CFAP299: variants seen among roughly 807,000 people sequenced by gnomAD.
CFAP299 encodes the protein cilia- and flagella-associated protein 299.
A neutral mutation model predicts 27.0 loss-of-function variants in CFAP299; 21 were observed. That is an observed-to-expected ratio of 0.78 (90% CI 0.55 to 1.12). The LOEUF is 1.12. Among genes scored for constraint, CFAP299 ranks in the 50% most tolerant of loss-of-function variants. The probability of loss-of-function intolerance (pLI) is 0.00; values close to 1 mark genes in which losing one functional copy is unlikely to be tolerated. For synonymous variants in CFAP299, 104 were observed against 98.1 expected, an observed-to-expected ratio of 1.06 and a Z score of -0.36; for missense variants, 310 against 276.6, an observed-to-expected ratio of 1.12 and a Z score of -0.86.
At chr4:80,505,168 G>T (rs1249310748) in intron 2 of CFAP299, among the ~76,000 whole-genome samples, 1 of 151,384 alleles carries the variant, frequency 6.6e-6, no homozygotes, top group Non-Finnish European at 1.5e-5. Context: ...TAAAATAGGG[G>T]GGATGAACAT....
chr4:80,911,778 G>C (rs530926871), intron 4 of CFAP299, among the ~76,000 whole-genome samples: 1 of 152,104 alleles, frequency 6.6e-6, no homozygotes, highest in South Asian at 2.1e-4. Context: ...ACTTCTTGAA[G>C]GGAAAATAAT....
chr4:80,780,906 C>T (rs978464617), intron 3 of CFAP299, among the ~76,000 whole-genome samples: 1 of 151,340 alleles, frequency 6.6e-6, no homozygotes, highest in East Asian at 1.9e-4. Context: ...TAAATTAGAC[C>T]CAAAACTCAT....
chr4:80,418,716 C>T (rs1378530478), intron 2 of CFAP299, among the ~76,000 whole-genome samples: 1 of 151,880 alleles, frequency 6.6e-6, no homozygotes, highest in African/African-American at 2.4e-5. Context: ...AATTGTTTTA[C>T]ATATCCCACA....
intron 4 of CFAP299, among the ~76,000 whole-genome samples, chr4:80,930,836 T>C (rs1362224887): frequency 6.6e-6 from 1 of 152,062 alleles, no homozygotes; most frequent in Admixed American, 6.6e-5. Context: ...CCATCCCAAA[T>C]CCCACCCCTT....
At chr4:80,961,556 C>T (rs867374122) in intron 5 of CFAP299, among the ~76,000 whole-genome samples, 1 of 151,714 alleles carries the variant, frequency 6.6e-6, no homozygotes, top group Non-Finnish European at 1.5e-5. Flanking sequence ...ATTTAGGAGA[C>T]ATTTTAACCT....
At chr4:80,790,399 G>T (rs1727488070) in intron 3 of CFAP299, 1 of 151,988 alleles carries the variant, frequency 6.6e-6, no homozygotes, top group Non-Finnish European at 1.5e-5. Context: ...CTTGAATCAT[G>T]CTATGGACCG....
At chr4:80,894,490 G>A (rs1178618710) in intron 4 of CFAP299, among the ~76,000 whole-genome samples, 1 of 151,956 alleles carries the variant, frequency 6.6e-6, no homozygotes, top group Non-Finnish European at 1.5e-5. Context: ...CCCAGTGTGA[G>A]GCACAGCTTA....
intron 2 of CFAP299, among the ~76,000 whole-genome samples, chr4:80,490,574 T>C (rs1190600678): frequency 2.0e-5 from 3 of 152,202 alleles, no homozygotes; most frequent in East Asian, 3.8e-4. Flanking sequence ...GCTGAACCAA[T>C]AGGGTTTACA....
chr4:80,509,720 A>G (rs1560600901), intron 2 of CFAP299, among the ~76,000 whole-genome samples: 2 of 152,338 alleles, frequency 1.3e-5, no homozygotes, highest in African/African-American at 4.8e-5. Context: ...TAACTAATCT[A>G]CAACAGAAAG....
rs79910195 is a variant in CFAP299 at position 80,488,339 on chromosome 4, C to T, written c.243-94754C>T. 3.9e-3 allele frequency among the ~76,000 whole-genome samples: 587 copies of T among 152,064 alleles called. 6 individuals are homozygous for T. Among genetic ancestry groups the T allele is most frequent in the Non-Finnish European group, 4.9e-3 (332 of 67,998 alleles). ...TTGTCTCAGAAATATGAGACTGAAC[C>T]GTGATTGCAACTGAGAAATTTTAGG... On this transcript the variant is annotated intron_variant, in intron 2 of 5. Coordinates refer to ENST00000358105, the MANE Select transcript of CFAP299 (RefSeq NM_152770.3).
At chr4:80,730,280 A>G (rs149123168) in intron 3 of CFAP299, among the ~76,000 whole-genome samples, 3,144 of 74,724 alleles carry the variant, frequency 0.042, 35 homozygotes, top group African/African-American at 0.058. Context: ...GTGTGTGTGT[A>G]TGTGTGTGTG....
intron 3 of CFAP299, among the ~76,000 whole-genome samples, chr4:80,820,906 C>A (rs1170251951): frequency 6.6e-6 from 1 of 152,104 alleles, no homozygotes; most frequent in African/African-American, 2.4e-5. Context: ...TTGGATAACA[C>A]AGATCATTAC....
intron 2 of CFAP299, among the ~76,000 whole-genome samples, chr4:80,545,776 G>T (rs1162796061): frequency 3.3e-5 from 5 of 152,132 alleles, no homozygotes; most frequent in Admixed American, 3.3e-4. Context: ...ACCAAAGCCT[G>T]ACAGAGACAC....
chr4:80,435,065 T>G (rs1727998096), intron 2 of CFAP299, among the ~76,000 whole-genome samples: 1 of 152,184 alleles, frequency 6.6e-6, no homozygotes. Context: ...TTTGCTGGGT[T>G]AGCAACATAA....
At chr4:80,869,597 T>C (rs1439700930) in intron 3 of CFAP299, among the ~76,000 whole-genome samples, 1 of 152,208 alleles carries the variant, frequency 6.6e-6, no homozygotes, top group Non-Finnish European at 1.5e-5. Flanking sequence ...CACTGCAACC[T>C]CTGCTTCCTG....
At chr4:80,338,918 T>C (rs1262788190) in intron 1 of CFAP299, among the ~76,000 whole-genome samples, 3 of 152,226 alleles carry the variant, frequency 2.0e-5, no homozygotes, top group Admixed American at 1.3e-4. Context: ...CAAATAATCA[T>C]ATAATCTGTG....
At chr4:80,923,897 A>T (rs929000331) in intron 4 of CFAP299, among the ~76,000 whole-genome samples, 7 of 152,024 alleles carry the variant, frequency 4.6e-5, no homozygotes, top group Non-Finnish European at 1.5e-5. Flanking sequence ...TTAAAACTAT[A>T]GTTATATATT....
At chr4:80,676,129 G>A (rs1719438980) in intron 3 of CFAP299, among the ~76,000 whole-genome samples, 1 of 152,166 alleles carries the variant, frequency 6.6e-6, no homozygotes, top group South Asian at 2.1e-4. Context: ...CAATCACACT[G>A]GGAGCTGCAG....
At chr4:80,443,841 T>A (rs1475473818) in intron 2 of CFAP299, among the ~76,000 whole-genome samples, 1 of 152,166 alleles carries the variant, frequency 6.6e-6, no homozygotes, top group Non-Finnish European at 1.5e-5. Context: ...AGTCTCAGGA[T>A]AGAAAGTCAA....
Sources: gnomAD v4.1 joint callset for allele counts (sites outside exome capture counted in the v4.1 genomes callset) on GRCh38, gnomAD v4.1.1 for gene constraint, MANE v1.5 for transcripts, NCBI Gene and HGNC (gene_info 2026-07-23, HGNC 2026-07-21) for gene names.